The following KDM3B variants were observed in gnomAD, a reference collection of about 807,000 sequenced individuals.
The protein encoded by KDM3B is lysine-specific demethylase 3B.
A neutral mutation model predicts 170.0 loss-of-function variants in KDM3B; 10 were observed. The observed-to-expected ratio is 0.06, with a 90% CI of 0.04 to 0.10. The LOEUF (loss-of-function observed/expected upper bound fraction) is 0.10, where lower values mean the gene tolerates loss of function less well. KDM3B is among the 10% of genes least tolerant of loss of function. The pLI, the probability that KDM3B is intolerant of heterozygous loss-of-function variation, is 1.00. For missense variants in KDM3B, 1,394 were observed against 2,195.2 expected (o/e 0.64, Z 7.29); for synonymous variants, 831 against 834.8 (o/e 1.00, Z 0.08).
intron 1 of KDM3B, among the ~76,000 whole-genome samples, chr5:138,360,429 C>T (rs1379549660): frequency 1.3e-5 from 2 of 152,086 alleles, no homozygotes; most frequent in Non-Finnish European, 2.9e-5. Flanking sequence ...TAACTCTCCC[C>T]TTACAGCATC....
intron 1 of KDM3B, among the ~76,000 whole-genome samples, chr5:138,358,302 C>A (rs868644107): frequency 9.1e-6 from 1 of 109,804 alleles, no homozygotes; most frequent in Non-Finnish European, 1.8e-5. Context: ...TTCTTTCTTT[C>A]TTTCTTTTTT....
At chr5:138,369,120 G>A (rs2126918656) in intron 1 of KDM3B, among the ~76,000 whole-genome samples, 1 of 152,224 alleles carries the variant, frequency 6.6e-6, no homozygotes, top group East Asian at 1.9e-4. Context: ...AGGTTACCAT[G>A]GAACCTCAAC....
At chr5:138,389,782 C>G (rs5029640) in intron 7 of KDM3B, among the ~76,000 whole-genome samples, 25,527 of 143,242 alleles carry the variant, frequency 0.18, 2,544 homozygotes, top group South Asian at 0.31. Flanking sequence ...CTCTCTCTCT[C>G]TGTGTGTGTG....
chr5:138,401,519 G>A lies in KDM3B; in HGVS notation c.3199+1507G>A, dbSNP rs140906282. On this transcript the variant is annotated intron_variant, in intron 11 of 23. Transcript: ENST00000314358. ...TATACTTCATTTTGTTTATTCACCA[G>A]TTGATGGACTTTTGGGTTGCCTCCG... Among the ~76,000 whole-genome samples, 246 of 152,250 alleles carry A rather than the reference G, an allele frequency of 1.6e-3. 4 individuals carry two copies. Among genetic ancestry groups the A allele is most frequent in the Admixed American group, 0.014 (216 of 15,288 alleles).
chr5:138,431,583 C>T lies in KDM3B; in HGVS notation c.5205+24C>T, dbSNP rs200434413. 44 of 1,574,218 alleles carry T rather than the reference C, an allele frequency of 2.8e-5. No homozygotes were observed. The East Asian group carries it at 9.4e-4, about 34-fold the overall frequency. On this transcript the variant is annotated intron_variant, in intron 23 of 23. Transcript: ENST00000314358. ...AGGTAAATAACTCCTCCCTCTACCC[C>T]ACTCTGTCTTCTCATTGCATACTCA...
chr5:138,387,998 G>A (rs1431706693), intron 7 of KDM3B, among the ~76,000 whole-genome samples: 4 of 152,008 alleles, frequency 2.6e-5, no homozygotes, highest in Admixed American at 6.6e-5. Flanking sequence ...GGAGGATGGC[G>A]TGAACCTGGG....
In KDM3B at chr5:138,386,608, A is replaced by G. The variant is rs538033603; in HGVS notation, c.1367A>G (p.Gln456Arg). The change falls in exon 7 of 24, where the codon CAG becomes CGG. Residue 456 changes from glutamine to arginine, a missense_variant. Coordinates refer to ENST00000314358, the MANE Select transcript of KDM3B (RefSeq NM_016604.4). Reference sequence around the variant, plus strand: ...GAAAAACAGAAAGGCAGCCGGTCGCAGGCCTCGGGAGAGGTGAGTTACTTC... The same window carrying G: ...GAAAAACAGAAAGGCAGCCGGTCGCGGGCCTCGGGAGAGGTGAGTTACTTC... ...VPEKQKGSRS[Q>R]ASGENSRNSI... 3 of 1,610,714 alleles carry G rather than the reference A, an allele frequency of 1.9e-6. No homozygotes were observed. Among genetic ancestry groups the G allele is most frequent in the African/African-American group, 1.3e-5 (1 of 75,012 alleles).
At chr5:138,430,170 G>A (rs544060429) in intron 21 of KDM3B, 79 bp from the exon 22 acceptor site, 1 of 1,507,926 alleles carries the variant, frequency 6.6e-7, no homozygotes, top group Non-Finnish European at 9.1e-7. Context: ...CCCCATCTTA[G>A]GACATTGCTG....
At position 138,391,635 on chromosome 5, in the gene KDM3B, C is replaced by G; in HGVS notation, c.2003C>G (p.Ser668Cys). ...GSSSSATTVT[S>C]KVAPSWPESH... ...TCCTCTTCTGCTACCACTGTCACCT[C>G]CAAGGTGGCACCCAGCTGGCCCGAG... is the stretch of plus-strand genomic sequence containing the variant. Residue 668 changes from serine to cysteine, a missense_variant, in exon 8 of 24, where the codon TCC becomes TGC. Transcript: ENST00000314358. This position sits in a 1 kb window ranked among gnomAD's most constrained non-coding sequence, Gnocchi z 5.0. 1 of 1,614,174 alleles carries G rather than the reference C, an allele frequency of 6.2e-7. No homozygotes were observed.
At chr5:138,389,315 G>A (rs1047327630) in intron 7 of KDM3B, among the ~76,000 whole-genome samples, 1 of 152,176 alleles carries the variant, frequency 6.6e-6, no homozygotes, top group African/African-American at 2.4e-5. Flanking sequence ...TGATTCGTAC[G>A]TCTCTATGCT....
At chr5:138,369,987 G>A (rs1343059834) in intron 1 of KDM3B, among the ~76,000 whole-genome samples, 4 of 152,186 alleles carry the variant, frequency 2.6e-5, no homozygotes, top group Admixed American at 2.6e-4. Flanking sequence ...TGGAACATGA[G>A]CTCCAAGCTT....
chr5:138,430,204 A>G lies in KDM3B; in HGVS notation c.4894-45A>G, dbSNP rs755516801. 35 of 1,599,032 alleles carry G rather than the reference A, an allele frequency of 2.2e-5. No homozygotes were observed. The South Asian group carries it at 3.9e-4, about 18-fold the overall frequency. Reference sequence around the variant, plus strand: ...TGCAGCAAGTTGGATTTATGCTGTTAATGATTTTTAATTTTCCCATCTTTG... The same window carrying G: ...TGCAGCAAGTTGGATTTATGCTGTTGATGATTTTTAATTTTCCCATCTTTG... On this transcript the variant is annotated intron_variant, in intron 21 of 23. Transcript: ENST00000314358.
At chr5:138,365,054 C>T (rs1443499393) in intron 1 of KDM3B, among the ~76,000 whole-genome samples, 2 of 152,102 alleles carry the variant, frequency 1.3e-5, no homozygotes, top group Admixed American at 6.5e-5. Context: ...TCTTCGCCCA[C>T]CTTGACAAGA....
chr5:138,379,467 A>G (rs1762075121), intron 4 of KDM3B, 117 bp from the exon 5 acceptor site: 13 of 953,090 alleles, frequency 1.4e-5, no homozygotes, highest in Non-Finnish European at 1.8e-5. Flanking sequence ...TCAGTTCTAT[A>G]AAAGAGGACC....
chr5:138,434,305 T>G (rs1763617883), intron 23 of KDM3B, among the ~76,000 whole-genome samples: 1 of 151,882 alleles, frequency 6.6e-6, no homozygotes, highest in Non-Finnish European at 1.5e-5. Context: ...ATCCCAACAC[T>G]TTGGGAGGCC....
At chr5:138,417,441 G>T in intron 12 of KDM3B, 42 bp from the exon 13 acceptor site, 1 of 1,595,554 alleles carries the variant, frequency 6.3e-7, no homozygotes, top group South Asian at 1.1e-5. Flanking sequence ...TGGCATATAT[G>T]AGTATTCTGG....
chr5:138,406,276 G>T (rs1561782864), intron 11 of KDM3B, among the ~76,000 whole-genome samples: 1 of 152,154 alleles, frequency 6.6e-6, no homozygotes, highest in Non-Finnish European at 1.5e-5. Flanking sequence ...GCCCAGAAGG[G>T]TGAGGCTGTA....
chr5:138,417,276 C>T (rs1201500328), intron 12 of KDM3B, among the ~76,000 whole-genome samples: 3 of 152,202 alleles, frequency 2.0e-5, no homozygotes, highest in African/African-American at 7.2e-5. Context: ...AGTCTTAGTG[C>T]TCCCGTTTAC....
At chr5:138,413,537 A>G (rs1350645868) in intron 11 of KDM3B, among the ~76,000 whole-genome samples, 1 of 152,230 alleles carries the variant, frequency 6.6e-6, no homozygotes, top group Non-Finnish European at 1.5e-5. Flanking sequence ...AATTAACTAT[A>G]TGACCTGGCA....
Sources: gnomAD v4.1 joint callset for allele counts (sites outside exome capture counted in the v4.1 genomes callset) on GRCh38, gnomAD v4.1.1 for gene constraint, Gnocchi (gnomAD v3.1) non-coding constraint, MANE v1.5 for transcripts, NCBI Gene and HGNC (gene_info 2026-07-23, HGNC 2026-07-21) for gene names.